Variants in SLC25A32 observed in about 807,000 individuals in gnomAD.
The protein encoded by SLC25A32 is solute carrier family 25 member 32.
SLC25A32 carries 32 observed loss-of-function variants against 39.0 expected under a neutral mutation model. That is an observed-to-expected ratio of 0.82 (90% CI 0.62 to 1.10). The LOEUF (loss-of-function observed/expected upper bound fraction) is 1.10. Among genes scored for constraint, SLC25A32 ranks in the 50% least tolerant of loss-of-function variants. SLC25A32 has a pLI of 0.00. For missense variants in SLC25A32, 367 were observed against 395.3 expected (o/e 0.93, Z 0.61); for synonymous variants, 166 against 152.4 (o/e 1.09, Z -0.66).
At chr8:103,402,410 G>C (rs949790102) in intron 4 of SLC25A32, 1 of 157,608 alleles carries the variant, frequency 6.3e-6, no homozygotes, top group African/African-American at 2.4e-5. Context: ...TAGGTATTCT[G>C]AAAGAATAAG....
intron 1 of SLC25A32, among the ~76,000 whole-genome samples, chr8:103,412,966 T>A (rs1352826429): frequency 6.6e-6 from 1 of 150,816 alleles, no homozygotes; most frequent in Non-Finnish European, 1.5e-5. Flanking sequence ...GTTATTCATC[T>A]TCTTAAGTTT....
Position 103,414,932 on chromosome 8 carries a change from C to T in SLC25A32, c.6G>A (p.Thr2=). The part of the protein sequence containing the change: M[T]GQGQSASGSS... Reference sequence around the variant, plus strand: ...ACCCGGACGCCGACTGGCCCTGGCCCGTCATAGGCTCGGGGCCCGTCGACA... The same window carrying T: ...ACCCGGACGCCGACTGGCCCTGGCCTGTCATAGGCTCGGGGCCCGTCGACA... Residue 2 remains threonine, a synonymous_variant, in exon 1 of 7, where the codon ACG becomes ACA. Coordinates refer to ENST00000297578, the MANE Select transcript of SLC25A32 (RefSeq NM_030780.5). 2 of 1,604,720 alleles carry T rather than the reference C, an allele frequency of 1.2e-6. No homozygotes were observed. Among genetic ancestry groups the T allele is most frequent in the Middle Eastern group, 1.7e-4 (1 of 6,040 alleles).
intron 1 of SLC25A32, 190 bp downstream of exon 1, chr8:103,414,594 G>C: frequency 1.4e-6 from 1 of 719,756 alleles, no homozygotes; most frequent in Non-Finnish European, 2.2e-6. Context: ...TCTTAGTCTT[G>C]AGGAGCGGGG....
intron 2 of SLC25A32, among the ~76,000 whole-genome samples, chr8:103,406,622 T>C (rs1156372869): frequency 6.6e-6 from 1 of 152,218 alleles, no homozygotes; most frequent in Admixed American, 6.5e-5. Context: ...AGGAAAGCAA[T>C]GAGCTGGGAA....
chr8:103,408,099 C>A (rs893326788), intron 1 of SLC25A32, among the ~76,000 whole-genome samples: 1 of 151,298 alleles, frequency 6.6e-6, no homozygotes, highest in Non-Finnish European at 1.5e-5. Flanking sequence ...TGCCTCAGCT[C>A]CCCTAGTAGC....
At chr8:103,412,457 C>A (rs564948142) in intron 1 of SLC25A32, among the ~76,000 whole-genome samples, 1 of 152,166 alleles carries the variant, frequency 6.6e-6, no homozygotes, top group South Asian at 2.1e-4. Context: ...ATCATCCAAT[C>A]CAATCTTTCC....
In SLC25A32 at chr8:103,414,893, G is replaced by A. The variant is rs1439329134; in HGVS notation, c.45C>T (p.Ser15=). 4 of 1,612,248 alleles carry A rather than the reference G, an allele frequency of 2.5e-6. No homozygotes were observed. The highest frequency in any genetic ancestry group is 1.1e-5 in the South Asian group (1 of 90,930). Residue 15 remains serine, a synonymous_variant, in exon 1 of 7, where the codon AGC becomes AGT. Coordinates refer to ENST00000297578, the MANE Select transcript of SLC25A32 (RefSeq NM_030780.5). ...GQSASGSSAW[S]TVFRHVRYEN... is the part of the protein sequence containing the mutation. ...CATACCGGACGTGGCGGAATACCGTGCTCCACGCCGACGACCCGGACGCCG... is the reference window on the plus strand; with the variant it reads ...CATACCGGACGTGGCGGAATACCGTACTCCACGCCGACGACCCGGACGCCG...
intron 2 of SLC25A32, 121 bp from the exon 3 acceptor site, chr8:103,404,982 A>G: frequency 1.9e-6 from 1 of 524,688 alleles, no homozygotes. Context: ...CAACCACAAA[A>G]TGAGACCTTT....
chr8:103,400,269 T>C lies in SLC25A32; in HGVS notation c.*142A>G, dbSNP rs796468975. ...AGCAAGAAAAACATTGCAGGAGACT[T>C]AGCAGTTCTCTGGCTTCTAATGACT... On this transcript the variant is annotated 3_prime_UTR_variant, in exon 7 of 7. Transcript: ENST00000297578. The C allele has an allele frequency of 1.1e-6, 1 of 941,268 alleles. No homozygotes were observed. The highest frequency in any genetic ancestry group is 1.6e-5 in the South Asian group (1 of 64,336). The allele number at this position is 941,268 out of a possible 1,614,324, so 58.3% of individuals were successfully genotyped here.
At position 103,406,065 on chromosome 8, in the gene SLC25A32, G is replaced by GTATATATATA. The variant is rs1554628989; in HGVS notation, c.306-1214_306-1205dup. On this transcript the variant is annotated intron_variant, in intron 2 of 6. Coordinates refer to ENST00000297578, the MANE Select transcript of SLC25A32 (RefSeq NM_030780.5). ...AAATTCATGATGTGTGTGTGTGTGT[G>GTATATATATA]TATATATATATATATACACACACAC... Among the ~76,000 whole-genome samples the GTATATATATA allele has an allele frequency of 9.9e-3, 1,434 of 144,138 alleles. 14 individuals carry two copies. Among genetic ancestry groups the GTATATATATA allele is most frequent in the Non-Finnish European group, 0.015 (959 of 65,848 alleles). 94.6% of individuals were successfully genotyped at this position (144,138 alleles called of 152,430 possible).
rs1586109056 is a variant in SLC25A32 at position 103,400,224 on chromosome 8, T to C, written c.*187A>G. 5.2e-6 allele frequency: 3 copies of C among 575,522 alleles called. No individual in the cohort carries two copies. The highest frequency in any genetic ancestry group is 6.1e-5 in the East Asian group (2 of 33,014). 35.7% of individuals were successfully genotyped at this position (575,522 alleles called of 1,614,324 possible). A position where few individuals can be genotyped will look rare whatever the true frequency, so the allele number is the denominator to read the frequency against. On this transcript the variant is annotated 3_prime_UTR_variant, in exon 7 of 7. Transcript: ENST00000297578. ...TTCAGGCAGAGGTAGCCAAGTTCCA[T>C]ATATATGGGGAAGGCAAAAAGCAAG...
chr8:103,407,697 A>C lies in SLC25A32; in HGVS notation c.242T>G (p.Leu81Arg). The stretch of plus-strand genomic sequence containing the variant: ...TATATTTGGGGTTACTCCTTGATAA[A>C]GTCCCCGTAGTCCATCAAGTTTCCA... ...TIWKLDGLRG[L>R]YQGVTPNIWG... is the part of the protein sequence containing the mutation. Residue 81 changes from leucine (L) to arginine (R), a missense_variant, in exon 2 of 7, where the codon CTT becomes CGT. Transcript: ENST00000297578. 6.2e-7 allele frequency: 1 copy of C among 1,612,456 alleles called. No homozygotes were observed. The highest frequency in any genetic ancestry group is 1.7e-5 in the Admixed American group (1 of 59,904).
At chr8:103,406,838 G>C (rs1043451960) in intron 2 of SLC25A32, among the ~76,000 whole-genome samples, 3 of 152,214 alleles carry the variant, frequency 2.0e-5, no homozygotes, top group African/African-American at 7.2e-5. Flanking sequence ...GAATCTGGTT[G>C]AGGATAAACA....
Position 103,405,451 on chromosome 8 carries a change from G to A in SLC25A32, c.306-590C>T, listed in dbSNP as rs188972996. ...ATTGAGACAGGCACAGTTTCAACAA[G>A]GAAAAAGATGAGCATGGTGAAAAGT... On this transcript the variant is annotated intron_variant, in intron 2 of 6. Coordinates refer to ENST00000297578, the MANE Select transcript of SLC25A32 (RefSeq NM_030780.5). Among the ~76,000 whole-genome samples, 14 of 152,264 alleles carry A rather than the reference G, an allele frequency of 9.2e-5. No homozygotes were observed. In the East Asian group the frequency reaches 1.7e-3, roughly 19 times the overall value.
intron 2 of SLC25A32, among the ~76,000 whole-genome samples, chr8:103,405,997 A>G (rs1031750213): frequency 6.6e-6 from 1 of 151,778 alleles, no homozygotes; most frequent in African/African-American, 2.4e-5. Flanking sequence ...AAAATTTTAT[A>G]TGGCTTGTCC....
At chr8:103,414,707 AG>A in intron 1 of SLC25A32, 76 bp downstream of exon 1, 4 of 1,586,618 alleles carry the variant, frequency 2.5e-6, no homozygotes, top group Non-Finnish European at 3.4e-6. Context: ...TCCTCCCCCT[AG>A]AACGGAAAAG....
At chr8:103,411,690 A>G (rs1461414348) in intron 1 of SLC25A32, among the ~76,000 whole-genome samples, 1 of 152,142 alleles carries the variant, frequency 6.6e-6, no homozygotes, top group Admixed American at 6.5e-5. Context: ...TATAGGCACA[A>G]TTTCCACCAA....
Position 103,400,054 on chromosome 8 carries a change from A to G in SLC25A32, c.*357T>C, listed in dbSNP as rs1816183606. 8.2e-6 allele frequency: 2 copies of G among 244,488 alleles called. No individual in the cohort carries two copies. The highest frequency in any genetic ancestry group is 1.6e-5 in the Non-Finnish European group (2 of 127,224). The allele number at this position is 244,488 out of a possible 1,614,324, so 15.1% of individuals were successfully genotyped here. ...TTGCACAAAGGTTAATTTTAAAGCA[A>G]TCCAGGCAAGTAAGCTCACAAAAAG... On this transcript the variant is annotated 3_prime_UTR_variant, in exon 7 of 7. Coordinates refer to ENST00000297578, the MANE Select transcript of SLC25A32 (RefSeq NM_030780.5).
At position 103,413,195 on chromosome 8, in the gene SLC25A32, C is replaced by A. The variant is rs188153458; in HGVS notation, c.154+1589G>T. ...TCCTCAGGAATGATATGCTTCAAAG[C>A]ACTGTCTAAACTCATCAGGCCAACC... On this transcript the variant is annotated intron_variant, in intron 1 of 6. Transcript: ENST00000297578. 1.1e-3 allele frequency among the ~76,000 whole-genome samples: 164 copies of A among 152,294 alleles called. 2 individuals are homozygous for A. Among genetic ancestry groups the A allele is most frequent in the Non-Finnish European group, 2.2e-4 (15 of 68,020 alleles).
Sources: allele counts gnomAD v4.1 joint callset (sites outside exome capture counted in the v4.1 genomes callset), GRCh38; gene constraint gnomAD v4.1.1; transcripts MANE v1.5; gene names NCBI Gene and HGNC (gene_info 2026-07-23, HGNC 2026-07-21).